The following DLGAP2 variants were observed in gnomAD, a reference collection of about 807,000 sequenced individuals.
DLGAP2 encodes the protein disks large-associated protein 2.
DLGAP2 carries 26 observed loss-of-function variants against 100.3 expected under a neutral mutation model. The ratio of observed to expected loss-of-function variants is 0.26; its 90% CI spans 0.19 to 0.36. The LOEUF is 0.36. Among genes scored for constraint, DLGAP2 ranks in the 10% least tolerant of loss-of-function variants. DLGAP2 has a pLI of 1.00. For missense variants in DLGAP2, 1,858 were observed against 1,453.2 expected, an observed-to-expected ratio of 1.28 and a Z score of -4.53; for synonymous variants, 886 against 630.1, an observed-to-expected ratio of 1.41 and a Z score of -6.08.
chr8:1,128,358 C>G (rs1471493481), intron 2 of DLGAP2, among the ~76,000 whole-genome samples: 1 of 152,000 alleles, frequency 6.6e-6, no homozygotes, highest in African/African-American at 2.4e-5. Context: ...TGAGGACCTG[C>G]TCCCGGTGTT....
At chr8:1,534,719 C>T (rs1203872228) in intron 4 of DLGAP2, among the ~76,000 whole-genome samples, 1 of 152,120 alleles carries the variant, frequency 6.6e-6, no homozygotes, top group African/African-American at 2.4e-5. Flanking sequence ...TGAGAACCTG[C>T]TGGTCAAAGA....
chr8:1,382,613 G>A (rs908920329), intron 3 of DLGAP2, among the ~76,000 whole-genome samples: 3 of 152,116 alleles, frequency 2.0e-5, no homozygotes, highest in Non-Finnish European at 2.9e-5. Context: ...GCAGTGGTGT[G>A]TGCCTGCAGT....
chr8:1,116,907 G>C lies in DLGAP2; in HGVS notation c.74-141944G>C, dbSNP rs528105090. On this transcript the variant is annotated intron_variant, in intron 2 of 14. Transcript: ENST00000637795. ...TCTGAACACAGTTGATGGGAAGACA[G>C]AAACCAAAGCAAAACCTCTTCCGCA... Among the ~76,000 whole-genome samples, 9 of 152,332 alleles carry C rather than the reference G, an allele frequency of 5.9e-5. No homozygotes were observed. In the East Asian group the frequency reaches 1.7e-3, roughly 29 times the overall value.
At chr8:1,126,119 C>T (rs376109175) in intron 2 of DLGAP2, among the ~76,000 whole-genome samples, 2 of 152,326 alleles carry the variant, frequency 1.3e-5, no homozygotes, top group African/African-American at 4.8e-5. Flanking sequence ...ATGGCCCCTG[C>T]GGTGAATACG....
At chr8:768,793 C>T (rs1427249156) in intron 1 of DLGAP2, among the ~76,000 whole-genome samples, 1 of 152,120 alleles carries the variant, frequency 6.6e-6, no homozygotes, top group Non-Finnish European at 1.5e-5. Flanking sequence ...GGTGCGCTTC[C>T]ATCGGAAAAC....
intron 3 of DLGAP2, among the ~76,000 whole-genome samples, chr8:1,423,757 A>C (rs959992904): frequency 6.6e-5 from 10 of 152,226 alleles, no homozygotes; most frequent in African/African-American, 2.4e-4. Context: ...GAAGACAGCC[A>C]GGGCTAGTGG....
chr8:1,279,351 G>T (rs1799769499), intron 3 of DLGAP2, among the ~76,000 whole-genome samples: 1 of 152,124 alleles, frequency 6.6e-6, no homozygotes, highest in African/African-American at 2.4e-5. Context: ...AGCTCTGTTT[G>T]GCACTTTATG....
At chr8:1,615,743 C>T (rs539608756) in intron 6 of DLGAP2, among the ~76,000 whole-genome samples, 18 of 152,004 alleles carry the variant, frequency 1.2e-4, no homozygotes, top group African/African-American at 3.6e-4. Flanking sequence ...TAGAACTCAC[C>T]GGAAAGATCT....
At chr8:956,150 G>A (rs141570702) in intron 2 of DLGAP2, among the ~76,000 whole-genome samples, 81 of 152,312 alleles carry the variant, frequency 5.3e-4, no homozygotes, top group Non-Finnish European at 8.1e-4. Context: ...TATATAATTT[G>A]TGTGTGCGTC....
chr8:946,246 G>A (rs1799316396), intron 2 of DLGAP2, among the ~76,000 whole-genome samples: 1 of 151,550 alleles, frequency 6.6e-6, no homozygotes, highest in African/African-American at 2.4e-5. Flanking sequence ...TGGTGCTTCT[G>A]TGAGAATAGT....
intron 3 of DLGAP2, among the ~76,000 whole-genome samples, chr8:1,390,712 A>G (rs1248592148): frequency 6.6e-6 from 1 of 152,068 alleles, no homozygotes; most frequent in Non-Finnish European, 1.5e-5. Context: ...GTGAGGGAGG[A>G]TCTTTTCATT....
At chr8:1,304,863 A>C (rs140837045) in intron 3 of DLGAP2, among the ~76,000 whole-genome samples, 5 of 152,362 alleles carry the variant, frequency 3.3e-5, no homozygotes, top group African/African-American at 1.2e-4. Context: ...TAAGCTGAAA[A>C]GGCACAGTCT....
At chr8:928,611 A>G (rs1198372601) in intron 2 of DLGAP2, among the ~76,000 whole-genome samples, 1 of 151,992 alleles carries the variant, frequency 6.6e-6, no homozygotes. Context: ...TTTGATTTAG[A>G]GGAATAAAAA....
chr8:1,300,758 C>G (rs1800316371), intron 3 of DLGAP2: 1 of 152,266 alleles, frequency 6.6e-6, no homozygotes, highest in African/African-American at 2.4e-5. Flanking sequence ...GGCCTCACAT[C>G]CAGGGACACA....
intron 4 of DLGAP2, among the ~76,000 whole-genome samples, chr8:1,528,089 C>T (rs1361859295): frequency 5.3e-5 from 8 of 152,272 alleles, no homozygotes; most frequent in African/African-American, 1.9e-4. Context: ...TGGCTTCCAG[C>T]CACTGCACGG....
intron 2 of DLGAP2, among the ~76,000 whole-genome samples, chr8:948,548 C>A (rs1421512483): frequency 3.9e-5 from 6 of 152,212 alleles, no homozygotes; most frequent in African/African-American, 1.4e-4. Flanking sequence ...CTCCCTGAGC[C>A]CCACGGGGCC....
At position 1,183,912 on chromosome 8, in the gene DLGAP2, G is replaced by C. The variant is rs1351797589; in HGVS notation, c.74-74939G>C. On this transcript the variant is annotated intron_variant, in intron 2 of 14. Coordinates refer to ENST00000637795, the MANE Select transcript of DLGAP2 (RefSeq NM_001346810.2). ...GAGCCTTTGTCTATTTATCAAATAG[G>C]AATAATAGCATTTAATCATTGCGTG... is the stretch of plus-strand genomic sequence containing the variant. Among the ~76,000 whole-genome samples the C allele has an allele frequency of 2.0e-5, 3 of 152,252 alleles. No individual in the cohort carries two copies. In the South Asian group the frequency reaches 6.2e-4, roughly 32 times the overall value.
At chr8:805,609 A>T (rs1336246535) in intron 1 of DLGAP2, among the ~76,000 whole-genome samples, 3 of 151,504 alleles carry the variant, frequency 2.0e-5, no homozygotes, top group Non-Finnish European at 4.4e-5. Flanking sequence ...CCGTCCTATA[A>T]TTTTTTTTTC....
At chr8:741,518 G>T (rs1289613397) in intron 1 of DLGAP2, among the ~76,000 whole-genome samples, 1 of 152,178 alleles carries the variant, frequency 6.6e-6, no homozygotes, top group Non-Finnish European at 1.5e-5. Context: ...TCCCGGTGAT[G>T]GGTGTCCGCT....
Sources: gnomAD v4.1 joint callset for allele counts (sites outside exome capture counted in the v4.1 genomes callset) on GRCh38, gnomAD v4.1.1 for gene constraint, MANE v1.5 for transcripts, NCBI Gene and HGNC (gene_info 2026-07-23, HGNC 2026-07-21) for gene names.